The following ARMH4 variants were observed in gnomAD, a reference collection of about 807,000 sequenced individuals.
ARMH4 encodes the protein armadillo-like helical domain-containing protein 4.
In ARMH4, 49 loss-of-function variants were observed where a neutral mutation model predicts 61.9. The observed-to-expected ratio is 0.79, with a 90% CI of 0.63 to 1.00. The LOEUF (loss-of-function observed/expected upper bound fraction) is 1.00. Among genes scored for constraint, ARMH4 ranks in the 50% least tolerant of loss-of-function variants. ARMH4 has a pLI of 0.00. For synonymous variants in ARMH4, 368 were observed against 341.5 expected (o/e 1.08, Z -0.85); for missense variants, 934 against 930.0 (o/e 1.00, Z -0.06).
intron 5 of ARMH4, among the ~76,000 whole-genome samples, chr14:58,087,947 G>A (rs570745661): frequency 6.6e-5 from 10 of 152,150 alleles, no homozygotes; most frequent in Non-Finnish European, 1.2e-4. Context: ...CTTTTCTTTA[G>A]GCTTGGCCAG....
At position 58,040,356 on chromosome 14, in the gene ARMH4, G is replaced by A. The variant is rs974301462; in HGVS notation, c.2090-28206C>T. Among the ~76,000 whole-genome samples, 13 of 150,878 alleles carry A rather than the reference G, an allele frequency of 8.6e-5. 1 individual carries two copies. The East Asian group carries it at 1.2e-3, about 14-fold the overall frequency. Reference sequence around the variant, plus strand: ...CAGGCCCCAGTGTCTGTTGTTCCCCGCCATGTGTCCATGTGTTCTCATCAT... The same window carrying A: ...CAGGCCCCAGTGTCTGTTGTTCCCCACCATGTGTCCATGTGTTCTCATCAT... On this transcript the variant is annotated intron_variant, in intron 5 of 7. Coordinates refer to ENST00000267485, the MANE Select transcript of ARMH4 (RefSeq NM_001001872.4).
chr14:58,097,666 TTCG>T (rs1339099066), intron 4 of ARMH4, among the ~76,000 whole-genome samples: 1 of 150,262 alleles, frequency 6.7e-6, no homozygotes, highest in Non-Finnish European at 1.5e-5. Flanking sequence ...ACATTCACAA[TTCG>T]TCGTTTTCTT....
chr14:58,151,866 C>G (rs753564196), intron 1 of ARMH4, among the ~76,000 whole-genome samples: 47 of 152,340 alleles, frequency 3.1e-4, no homozygotes, highest in Non-Finnish European at 5.7e-4. Flanking sequence ...CCAGCGCGCC[C>G]AGAGCTGCCC....
At position 58,133,255 on chromosome 14, in the gene ARMH4, C is replaced by G. The variant is rs1013490726; in HGVS notation, c.1456G>C (p.Glu486Gln). 1.2e-6 allele frequency: 2 copies of G among 1,614,008 alleles called. No individual in the cohort carries two copies. The highest frequency in any genetic ancestry group is 1.7e-6 in the Non-Finnish European group (2 of 1,180,018). The change falls in exon 3 of 8, where the codon GAG (glutamate) becomes CAG (glutamine). Residue 486 changes from glutamate (E) to glutamine (Q), a missense_variant. Coordinates refer to ENST00000267485, the MANE Select transcript of ARMH4 (RefSeq NM_001001872.4). ...MVTQEQVATL[E>Q]LIRDSGKTEE... is the part of the protein sequence containing the mutation. The stretch of plus-strand genomic sequence containing the variant: ...GTCTTGCCACTGTCTCTGATAAGCT[C>G]GAGGGTAGCAACCTGCTCTTGTGTC...
chr14:58,004,759 C>T lies in ARMH4; in HGVS notation c.2302G>A (p.Asp768Asn), dbSNP rs746972575. 15 of 1,609,192 alleles carry T rather than the reference C, an allele frequency of 9.3e-6. No homozygotes were observed. The highest frequency in any genetic ancestry group is 1.1e-5 in the Non-Finnish European group (13 of 1,176,200). The change falls in exon 8 of 8, where the codon GAC becomes AAC. Residue 768 changes from aspartate (D) to asparagine (N), a missense_variant. By Grantham distance (23) the Asp-to-Asn change is conservative (BLOSUM62 1). Transcript: ENST00000267485. Reference protein sequence around the residue: ...SMQDRVMLLADSSEDEF With the variant: ...SMQDRVMLLANSSEDEF ...ATTCAAAATTCATCTTCAGAGCTGT[C>T]GGCTAAGAGCATTACTCGATCTTGC...
intron 5 of ARMH4, among the ~76,000 whole-genome samples, chr14:58,025,355 A>G (rs974780856): frequency 6.6e-6 from 1 of 152,186 alleles, no homozygotes; most frequent in East Asian, 1.9e-4. Flanking sequence ...TAGATTCCTT[A>G]GGTTCCCATT....
At chr14:58,064,734 A>G (rs1440807956) in intron 5 of ARMH4, among the ~76,000 whole-genome samples, 2 of 152,216 alleles carry the variant, frequency 1.3e-5, no homozygotes, top group African/African-American at 4.8e-5. Flanking sequence ...AGTAATTCAG[A>G]GCCAAAATAG....
At chr14:58,067,626 G>C (rs1884745973) in intron 5 of ARMH4, among the ~76,000 whole-genome samples, 1 of 152,198 alleles carries the variant, frequency 6.6e-6, no homozygotes, top group African/African-American at 2.4e-5. Flanking sequence ...GTGGTGGACA[G>C]AGCCAGAGAC....
At position 58,150,396 on chromosome 14, in the gene ARMH4, C is replaced by G. The variant is rs1366086310; in HGVS notation, c.-57+1679G>C. On this transcript the variant is annotated intron_variant, in intron 1 of 7. Coordinates refer to ENST00000267485, the MANE Select transcript of ARMH4 (RefSeq NM_001001872.4). ...TTAACAAAAATACAATTCCATACAC[C>G]ACTTTTCAGACAAACATCTACAGAA... 2.0e-5 allele frequency among the ~76,000 whole-genome samples: 3 copies of G among 152,152 alleles called. No individual in the cohort carries two copies. In the East Asian group the frequency reaches 5.8e-4, roughly 29 times the overall value.
chr14:58,122,325 A>C (rs1566590337), intron 4 of ARMH4, among the ~76,000 whole-genome samples: 1 of 152,206 alleles, frequency 6.6e-6, no homozygotes, highest in Non-Finnish European at 1.5e-5. Flanking sequence ...ACTAGGAAGA[A>C]GCCTATGAAT....
intron 5 of ARMH4, among the ~76,000 whole-genome samples, chr14:58,058,287 G>T (rs945162056): frequency 6.6e-6 from 1 of 151,898 alleles, no homozygotes; most frequent in Admixed American, 6.6e-5. Flanking sequence ...TATTATTTAG[G>T]GAATAGCAAC....
At chr14:58,071,454 T>C (rs1884879926) in intron 5 of ARMH4, among the ~76,000 whole-genome samples, 3 of 152,182 alleles carry the variant, frequency 2.0e-5, no homozygotes, top group Non-Finnish European at 4.4e-5. Context: ...ATTATCTTCT[T>C]AAAATGTCCA....
intron 5 of ARMH4, among the ~76,000 whole-genome samples, chr14:58,093,085 G>A (rs77866937): frequency 0.03 from 4,494 of 152,124 alleles, 85 homozygotes; most frequent in Non-Finnish European, 0.044. Flanking sequence ...TTTATAGGGG[G>A]CTTTTACCCC....
In ARMH4 at chr14:58,001,545, T is replaced by C. The variant is rs1169478477; in HGVS notation, c.*3191A>G. 1 of 152,188 alleles carries C rather than the reference T, an allele frequency of 6.6e-6. No homozygotes were observed. 9.4% of individuals were successfully genotyped at this position (152,188 alleles called of 1,614,324 possible). A position where few individuals can be genotyped will look rare whatever the true frequency, so the allele number is the denominator to read the frequency against. ...CACAGTATACAAGGATTCCAATTTCTCCACATCCTCAGAAACAATTGTTAT... is the reference window on the plus strand; with the variant it reads ...CACAGTATACAAGGATTCCAATTTCCCCACATCCTCAGAAACAATTGTTAT... On this transcript the variant is annotated 3_prime_UTR_variant, in exon 8 of 8. Transcript: ENST00000267485.
At chr14:58,076,967 C>A (rs1025177223) in intron 5 of ARMH4, among the ~76,000 whole-genome samples, 1 of 152,208 alleles carries the variant, frequency 6.6e-6, no homozygotes, top group Non-Finnish European at 1.5e-5. Context: ...CACCCTCTAC[C>A]CGGCCAGCAG....
intron 5 of ARMH4, among the ~76,000 whole-genome samples, chr14:58,022,919 T>A (rs1182182324): frequency 6.6e-6 from 1 of 152,250 alleles, no homozygotes; most frequent in Non-Finnish European, 1.5e-5. Context: ...GTAAAAGTTA[T>A]ATTTGCACTA....
intron 4 of ARMH4, among the ~76,000 whole-genome samples, chr14:58,114,128 G>C (rs758107262): frequency 1.3e-5 from 2 of 151,864 alleles, no homozygotes; most frequent in Non-Finnish European, 2.9e-5. Flanking sequence ...ACATTTGCTT[G>C]GTTCTAATCT....
chr14:58,048,061 C>G (rs749345368), intron 5 of ARMH4, among the ~76,000 whole-genome samples: 52 of 152,230 alleles, frequency 3.4e-4, no homozygotes, highest in Non-Finnish European at 6.2e-4. Context: ...GTTAAAGTTA[C>G]CAATTTAGCT....
chr14:58,109,919 C>T lies in ARMH4; in HGVS notation c.1832-12938G>A, dbSNP rs571402455. Among the ~76,000 whole-genome samples, 3 of 152,310 alleles carry T rather than the reference C, an allele frequency of 2.0e-5. No homozygotes were observed. The East Asian group carries it at 5.8e-4, about 29-fold the overall frequency. ...TGGAAGGGGAAGCAGGCACGTTCTT[C>T]ACAAGGTGGCAGGAGTCAGAAAGAC... On this transcript the variant is annotated intron_variant, in intron 4 of 7. Coordinates refer to ENST00000267485, the MANE Select transcript of ARMH4 (RefSeq NM_001001872.4).
Sources: gnomAD v4.1 joint callset for allele counts (sites outside exome capture counted in the v4.1 genomes callset) on GRCh38, gnomAD v4.1.1 for gene constraint, MANE v1.5 for transcripts, NCBI Gene and HGNC (gene_info 2026-07-23, HGNC 2026-07-21) for gene names.